INPP5A: variants seen among roughly 807,000 people sequenced by gnomAD.
The protein encoded by INPP5A is inositol polyphosphate-5-phosphatase A.
In INPP5A, 14 loss-of-function variants were observed where a neutral mutation model predicts 65.2. That is an observed-to-expected ratio of 0.21 (90% CI 0.14 to 0.34). INPP5A has a LOEUF of 0.34. INPP5A is among the 10% of genes least tolerant of loss of function. The probability of loss-of-function intolerance (pLI) is 1.00; values close to 1 mark genes in which losing one functional copy is unlikely to be tolerated. For synonymous variants in INPP5A, 207 were observed against 208.3 expected (o/e 0.99, Z 0.05); for missense variants, 431 against 545.6 (o/e 0.79, Z 2.09).
Position 132,538,236 on chromosome 10 carries a change from GA to G in INPP5A, c.75+67del. The G allele has an allele frequency of 1.0e-6, 1 of 1,002,714 alleles. No homozygotes were observed. Among genetic ancestry groups the G allele is most frequent in the Non-Finnish European group, 1.3e-6 (1 of 781,128 alleles). 62.1% of individuals were successfully genotyped at this position (1,002,714 alleles called of 1,614,324 possible). ...CCCCCGACCCTGACCCCGGGGTCCC[GA>G]ACTGCAAGCCTTGGACCCTGGACCG... On this transcript the variant is annotated intron_variant, in intron 1 of 15. Coordinates refer to ENST00000368594, the MANE Select transcript of INPP5A (RefSeq NM_005539.5). The surrounding 1 kb of genome is among the most constrained non-coding windows in gnomAD (Gnocchi z 4.1).
rs548942059 is a variant in INPP5A at position 132,557,769 on chromosome 10, A to G, written c.75+19598A>G. ...GGTGAGTCCTGGAGGTACTTACCATAGTTTTCTGTTGAATGCCTCTGGGCC... is the reference window on the plus strand; with the variant it reads ...GGTGAGTCCTGGAGGTACTTACCATGGTTTTCTGTTGAATGCCTCTGGGCC... On this transcript the variant is annotated intron_variant, in intron 1 of 15. Coordinates refer to ENST00000368594, the MANE Select transcript of INPP5A (RefSeq NM_005539.5). 1.2e-3 allele frequency among the ~76,000 whole-genome samples: 176 copies of G among 152,222 alleles called. 1 individual carries two copies. The highest frequency in any genetic ancestry group is 3.9e-3 in the African/African-American group (161 of 41,554).
chr10:132,698,579 C>T lies in INPP5A; in HGVS notation c.474+660C>T, dbSNP rs937196154. ...GGGTAAACCTCACACGCGGCATTGTCGGCGTCTCCCTGGCTGTGTAGTTAA... is the reference window on the plus strand; with the variant it reads ...GGGTAAACCTCACACGCGGCATTGTTGGCGTCTCCCTGGCTGTGTAGTTAA... On this transcript the variant is annotated intron_variant, in intron 6 of 15. Coordinates refer to ENST00000368594, the MANE Select transcript of INPP5A (RefSeq NM_005539.5). This position sits in a 1 kb window ranked among gnomAD's most constrained non-coding sequence, Gnocchi z 5.5. Among the ~76,000 whole-genome samples, 1 of 152,218 alleles carries T rather than the reference C, an allele frequency of 6.6e-6. No individual in the cohort carries two copies. The highest frequency in any genetic ancestry group is 2.4e-5 in the African/African-American group (1 of 41,442).
At chr10:132,559,619 C>T (rs964579652) in intron 1 of INPP5A, among the ~76,000 whole-genome samples, 4 of 152,086 alleles carry the variant, frequency 2.6e-5, no homozygotes, top group East Asian at 1.9e-4. Flanking sequence ...GTGCTCAGCA[C>T]GTGTGTTCCA....
chr10:132,589,541 C>T (rs1389241472), intron 1 of INPP5A, among the ~76,000 whole-genome samples: 1 of 152,268 alleles, frequency 6.6e-6, no homozygotes, highest in Non-Finnish European at 1.5e-5. Context: ...GCATTTTCTT[C>T]CTGTTGGGAC....
intron 4 of INPP5A, among the ~76,000 whole-genome samples, chr10:132,681,220 A>G (rs979946784): frequency 1.8e-4 from 28 of 152,232 alleles, no homozygotes; most frequent in Admixed American, 1.8e-3. Context: ...ACCAATCAGC[A>G]GGACGTGGGT....
intron 1 of INPP5A, among the ~76,000 whole-genome samples, chr10:132,543,901 C>A (rs903040322): frequency 6.6e-6 from 1 of 152,274 alleles, no homozygotes; most frequent in African/African-American, 2.4e-5. Context: ...CTGTTCCCGC[C>A]TTCCGGTTCT....
At chr10:132,680,340 T>C (rs113696255) in intron 4 of INPP5A, among the ~76,000 whole-genome samples, 1,568 of 152,306 alleles carry the variant, frequency 0.01, 31 homozygotes, top group African/African-American at 0.036. Context: ...GGCCGATAAG[T>C]ACACGAAAAA....
chr10:132,671,345 C>CTCCCTGCTTCGGACTCCGCCT (rs2072888136), intron 4 of INPP5A, among the ~76,000 whole-genome samples: 1 of 150,774 alleles, frequency 6.6e-6, no homozygotes, highest in African/African-American at 2.5e-5. Context: ...GGACTCCGCC[C>CTCCCTGCTTCGGACTCCGCCT]TCCCTGCTTC....
At chr10:132,597,724 C>T (rs1328954608) in intron 1 of INPP5A, among the ~76,000 whole-genome samples, 1 of 151,754 alleles carries the variant, frequency 6.6e-6, no homozygotes, top group African/African-American at 2.4e-5. Flanking sequence ...TGTAGTGACC[C>T]TGGGCCTGTG....
chr10:132,766,087 AGTGT>A (rs199922938), intron 12 of INPP5A, among the ~76,000 whole-genome samples: 1 of 151,388 alleles, frequency 6.6e-6, no homozygotes, highest in African/African-American at 2.4e-5. Flanking sequence ...CATGTGCACG[AGTGT>A]GTGTGCACGA....
rs1845381617 is a variant in INPP5A at position 132,698,485 on chromosome 10, G to GT, written c.474+569dup. On this transcript the variant is annotated intron_variant, in intron 6 of 15. Transcript: ENST00000368594. The surrounding 1 kb of genome is among the most constrained non-coding windows in gnomAD (Gnocchi z 5.5). ...GACACGGTGTTGATGAGAAATTGGT[G>GT]TTTCCTTCTGGCGGCCATGCACTTT... Among the ~76,000 whole-genome samples the GT allele has an allele frequency of 6.6e-6, 1 of 152,270 alleles. No homozygotes were observed. The highest frequency in any genetic ancestry group is 1.5e-5 in the Non-Finnish European group (1 of 68,048).
rs1426316862 is a variant in INPP5A, at chr10:132,782,096, A to G, written c.*67A>G. 4.5e-6 allele frequency: 7 copies of G among 1,540,342 alleles called. No homozygotes were observed. Among genetic ancestry groups the G allele is most frequent in the African/African-American group, 1.4e-5 (1 of 72,914 alleles). ...TGAGCCTCCCTGTAGCCGTGGACCG[A>G]ATACGCACTCTTGAAAGCTGCATCG... On this transcript the variant is annotated 3_prime_UTR_variant, in exon 16 of 16. Coordinates refer to ENST00000368594, the MANE Select transcript of INPP5A (RefSeq NM_005539.5). The surrounding 1 kb of genome is among the most constrained non-coding windows in gnomAD (Gnocchi z 4.4).
intron 1 of INPP5A, among the ~76,000 whole-genome samples, chr10:132,569,723 C>A (rs573561616): frequency 6.6e-6 from 1 of 150,564 alleles, no homozygotes; most frequent in Non-Finnish European, 1.5e-5. Context: ...AGGCTGGTCT[C>A]GAACTCCTGA....
intron 2 of INPP5A, among the ~76,000 whole-genome samples, chr10:132,608,216 G>A (rs1042193534): frequency 1.3e-5 from 2 of 152,236 alleles, no homozygotes; most frequent in African/African-American, 2.4e-5. Context: ...CGCTCCCCGC[G>A]GGGTTCAGAG....
At chr10:132,582,786 A>G (rs2071501442) in intron 1 of INPP5A, among the ~76,000 whole-genome samples, 1 of 152,192 alleles carries the variant, frequency 6.6e-6, no homozygotes, top group African/African-American at 2.4e-5. Context: ...TGGATTCGCT[A>G]TTCTGCTCCA....
chr10:132,719,991 CT>C (rs1198200715), intron 8 of INPP5A, among the ~76,000 whole-genome samples: 1 of 146,560 alleles, frequency 6.8e-6, no homozygotes, highest in African/African-American at 2.6e-5. Flanking sequence ...AGATAGCTGT[CT>C]TCAGGGTTCT....
At chr10:132,664,239 T>C (rs1173946565) in intron 4 of INPP5A, among the ~76,000 whole-genome samples, 1 of 152,222 alleles carries the variant, frequency 6.6e-6, no homozygotes, top group Admixed American at 6.5e-5. Flanking sequence ...CCCTCAGCTG[T>C]GCTCACCCAA....
intron 1 of INPP5A, among the ~76,000 whole-genome samples, chr10:132,588,339 A>C (rs1490408073): frequency 6.6e-6 from 1 of 152,204 alleles, no homozygotes; most frequent in Non-Finnish European, 1.5e-5. Flanking sequence ...TCTCTGTCCT[A>C]CTCGGGAGAC....
intron 9 of INPP5A, among the ~76,000 whole-genome samples, chr10:132,732,258 CT>C (rs1382719679): frequency 8.5e-5 from 13 of 152,252 alleles, no homozygotes; most frequent in Non-Finnish European, 1.9e-4. Context: ...TAGTTTTAAA[CT>C]GGATTGTTTA....
Sources: gnomAD v4.1 joint callset for allele counts (sites outside exome capture counted in the v4.1 genomes callset) on GRCh38, gnomAD v4.1.1 for gene constraint, Gnocchi (gnomAD v3.1) non-coding constraint, MANE v1.5 for transcripts, NCBI Gene and HGNC (gene_info 2026-07-23, HGNC 2026-07-21) for gene names.